The following ABCC9 variants were observed in gnomAD, a reference collection of about 807,000 sequenced individuals.
The protein encoded by ABCC9 is ATP binding cassette subfamily C member 9.
Under a neutral mutation model 188.3 loss-of-function variants are expected in ABCC9, and 95 were observed. The ratio of observed to expected loss-of-function variants is 0.50; its 90% confidence interval spans 0.43 to 0.60. The LOEUF (loss-of-function observed/expected upper bound fraction) is 0.60, where lower values mean the gene tolerates loss of function less well. Among genes scored for constraint, ABCC9 ranks in the 20% least tolerant of loss-of-function variants. The probability of loss-of-function intolerance (pLI) is 0.00; values close to 1 mark genes in which losing one functional copy is unlikely to be tolerated. For synonymous variants in ABCC9, 659 were observed against 652.7 expected (o/e 1.01, Z -0.15); for missense variants, 1,102 against 1,876.3 (o/e 0.59, Z 7.62).
In ABCC9 at chr12:21,882,838, T is replaced by A; in HGVS notation, c.1947A>T (p.Arg649Ser). 6.2e-7 allele frequency: 1 copy of A among 1,614,086 alleles called. No individual in the cohort carries two copies. Among genetic ancestry groups the A allele is most frequent in the Non-Finnish European group, 8.5e-7 (1 of 1,179,962 alleles). ...ATTGCTCATAGCTGTCCAGGTGATA[T>A]CTTCCAGGCTGTTTCCTGTTTATAG... is the stretch of plus-strand genomic sequence containing the variant. Reference protein sequence around the residue: ...PKTINRKQPGRYHLDSYEQST... With the variant: ...PKTINRKQPGSYHLDSYEQST... Residue 649 changes from arginine (R) to serine (S), a missense_variant, in exon 16 of 40, where the codon AGA becomes AGT. Around this residue, in one of 12 missense-constraint regions of ABCC9, gnomAD observed 258 missense variants for 325.6 expected, o/e 0.79. Transcript: ENST00000261200.
In ABCC9 at chr12:21,913,024, G is replaced by A; in HGVS notation, c.859C>T (p.Leu287Phe). 1 of 1,610,280 alleles carries A rather than the reference G, an allele frequency of 6.2e-7. No individual in the cohort carries two copies. Among genetic ancestry groups the A allele is most frequent in the Non-Finnish European group, 8.5e-7 (1 of 1,178,918 alleles). ...DHPNRTPSIW[L>F]AMYRAFGRPI... ...CGCCCAAAAGCTCTGTACATTGCAA[G>A]CCATATAGATGGAGTCCGATTTGGA... Residue 287 changes from leucine (L) to phenylalanine (F), a missense_variant, in exon 8 of 40, where the codon CTT (leucine) becomes TTT (phenylalanine). Transcript: ENST00000261200.
intron 8 of ABCC9, among the ~76,000 whole-genome samples, chr12:21,911,666 A>G (rs1219975947): frequency 2.0e-5 from 3 of 151,936 alleles, no homozygotes; most frequent in African/African-American, 7.2e-5. Flanking sequence ...TTTGGACACT[A>G]TTTTCTATGA....
At position 21,814,043 on chromosome 12, in the gene ABCC9, A is replaced by T. The variant is rs983951141; in HGVS notation, c.4102+601T>A. Among the ~76,000 whole-genome samples the T allele has an allele frequency of 5.9e-5, 9 of 152,190 alleles. No individual in the cohort carries two copies. In the East Asian group the frequency reaches 7.7e-4, roughly 13 times the overall value. ...TGATAGACTAAATGTGACTTTTTTT[A>T]AAAAAAGATTAAGTTATTTCTACGC... is the stretch of plus-strand genomic sequence containing the variant. On this transcript the variant is annotated intron_variant, in intron 35 of 39. Coordinates refer to ENST00000261200, the MANE Select transcript of ABCC9 (RefSeq NM_020297.4).
At chr12:21,928,135 G>A (rs534060938) in intron 4 of ABCC9, among the ~76,000 whole-genome samples, 1 of 151,638 alleles carries the variant, frequency 6.6e-6, no homozygotes, top group Non-Finnish European at 1.5e-5. Flanking sequence ...CAGGAGGATC[G>A]CTTGGACCTG....
intron 18 of ABCC9, among the ~76,000 whole-genome samples, chr12:21,871,495 A>AT (rs938606264): frequency 6.8e-4 from 104 of 151,988 alleles, no homozygotes; most frequent in Non-Finnish European, 1.4e-3. Flanking sequence ...ACAACCAAGA[A>AT]TTTTTTTTTC....
chr12:21,872,594 A>T (rs1433031058), intron 18 of ABCC9, 31 bp downstream of exon 18: 1 of 1,471,810 alleles, frequency 6.8e-7, no homozygotes, highest in Non-Finnish European at 9.5e-7. Flanking sequence ...TGTATGACAT[A>T]GCAATGGAAG....
At chr12:21,894,939 T>C (rs997105091) in intron 13 of ABCC9, among the ~76,000 whole-genome samples, 4 of 152,220 alleles carry the variant, frequency 2.6e-5, no homozygotes, top group African/African-American at 7.2e-5. Context: ...CCAACCGCTG[T>C]TCATTTTGCA....
chr12:21,923,963 T>A (rs1948944806), intron 5 of ABCC9: 1 of 562,898 alleles, frequency 1.8e-6, no homozygotes, highest in Non-Finnish European at 3.1e-6. Flanking sequence ...ACATTACGGA[T>A]GAGCATCAAA....
chr12:21,925,866 G>A, intron 5 of ABCC9, 76 bp downstream of exon 5: 8 of 1,496,120 alleles, frequency 5.3e-6, no homozygotes, highest in South Asian at 1.1e-5. Context: ...TTACCCTGAG[G>A]AAAAAGAAAA....
At chr12:21,915,514 A>ATATTTTTTT in intron 7 of ABCC9, among the ~76,000 whole-genome samples, 154 bp downstream of exon 7, 3 of 3,522 alleles carry the variant, frequency 8.5e-4, no homozygotes, top group African/African-American at 1.1e-3. Context: ...ATATATATAT[A>ATATTTTTTT]TTTTTTTTTT....
intron 31 of ABCC9, among the ~76,000 whole-genome samples, chr12:21,819,842 A>G (rs1399302373): frequency 6.6e-6 from 1 of 152,214 alleles, no homozygotes; most frequent in Non-Finnish European, 1.5e-5. Context: ...AAAATCACAT[A>G]GAGTTAATCC....
chr12:21,806,411 C>T (rs1485017671), intron 38 of ABCC9, among the ~76,000 whole-genome samples: 2 of 152,080 alleles, frequency 1.3e-5, no homozygotes, highest in Non-Finnish European at 2.9e-5. Context: ...TGATGTTAAC[C>T]TTTGAGTCAA....
chr12:21,858,485 G>A (rs1271976606), intron 22 of ABCC9, among the ~76,000 whole-genome samples: 1 of 151,830 alleles, frequency 6.6e-6, no homozygotes, highest in Non-Finnish European at 1.5e-5. Context: ...AGGCTGAGGT[G>A]GGAGAATTAC....
intron 37 of ABCC9, among the ~76,000 whole-genome samples, chr12:21,808,721 T>C (rs569571310): frequency 3.5e-5 from 5 of 143,152 alleles, no homozygotes; most frequent in South Asian, 2.2e-4. Context: ...TATGCGATAA[T>C]CATGCCTGTG....
chr12:21,901,667 A>G (rs1947757713), intron 12 of ABCC9, among the ~76,000 whole-genome samples: 1 of 152,198 alleles, frequency 6.6e-6, no homozygotes, highest in African/African-American at 2.4e-5. Flanking sequence ...AGTCTCAGAT[A>G]AAACAGACTT....
At chr12:21,899,795 G>A (rs1483128854) in intron 12 of ABCC9, among the ~76,000 whole-genome samples, 1 of 152,190 alleles carries the variant, frequency 6.6e-6, no homozygotes, top group Admixed American at 6.5e-5. Context: ...GCTTGAGTAG[G>A]TAAACAGAGC....
intron 26 of ABCC9, among the ~76,000 whole-genome samples, 153 bp from the exon 27 acceptor site, chr12:21,845,068 G>T (rs1001682225): frequency 3.3e-5 from 5 of 152,082 alleles, no homozygotes; most frequent in Admixed American, 1.3e-4. Context: ...TGAGGCCCAG[G>T]GTAGTATCCC....
Position 21,828,876 on chromosome 12 carries a change from C to G in ABCC9, c.3669+82G>C. The G allele has an allele frequency of 2.6e-6, 3 of 1,143,060 alleles. No individual in the cohort carries two copies. In the South Asian group the frequency reaches 3.7e-5, roughly 14 times the overall value. The allele number at this position is 1,143,060 out of a possible 1,614,324, so 70.8% of individuals were successfully genotyped here. ...GCTAGTGCCGAATCTCAGTGGAATA[C>G]TAATTTTTACAACTGTCTGCCTCTT... On this transcript the variant is annotated intron_variant, in intron 31 of 39. Transcript: ENST00000261200.
chr12:21,818,079 A>G, intron 32 of ABCC9, 71 bp downstream of exon 32: 1 of 1,198,646 alleles, frequency 8.3e-7, no homozygotes, highest in Middle Eastern at 1.9e-4. Context: ...CTCAACATTC[A>G]ATTCCCATTT....
Sources: gnomAD v4.1 joint callset for allele counts (sites outside exome capture counted in the v4.1 genomes callset) on GRCh38, gnomAD v4.1.1 for gene constraint, gnomAD v4.1.1 regional missense constraint, MANE v1.5 for transcripts, NCBI Gene and HGNC (gene_info 2026-07-23, HGNC 2026-07-21) for gene names.